The following KCNG3 variants were observed in gnomAD, a reference collection of about 807,000 sequenced individuals.
KCNG3 encodes voltage-gated potassium channel regulatory subunit KCNG3.
In KCNG3, 15 loss-of-function variants were observed where a neutral mutation model predicts 29.0. That is an observed-to-expected ratio of 0.52 (90% CI 0.35 to 0.80). KCNG3 has a LOEUF of 0.80. Among genes scored for constraint, KCNG3 ranks in the 30% least tolerant of loss-of-function variants. The pLI is 0.01. For missense variants in KCNG3, 512 were observed against 605.7 expected (o/e 0.85, Z 1.62); for synonymous variants, 322 against 248.9 (o/e 1.29, Z -2.76).
intron 1 of KCNG3, among the ~76,000 whole-genome samples, chr2:42,465,528 T>G (rs1193820773): frequency 6.6e-6 from 1 of 152,154 alleles, no homozygotes; most frequent in Admixed American, 6.5e-5. Flanking sequence ...ATAAAGATTT[T>G]AGAAGAAAAC....
chr2:42,476,034 C>G (rs1478926030), intron 1 of KCNG3, among the ~76,000 whole-genome samples: 2 of 151,916 alleles, frequency 1.3e-5, no homozygotes, highest in Non-Finnish European at 2.9e-5. Flanking sequence ...CCATTGCACC[C>G]CAGCCTGGGC....
chr2:42,462,015 T>C (rs1011300097), intron 1 of KCNG3, among the ~76,000 whole-genome samples: 13 of 152,352 alleles, frequency 8.5e-5, no homozygotes, highest in African/African-American at 2.6e-4. Flanking sequence ...TTTTAAGTGA[T>C]GTTAATTACA....
At chr2:42,399,633 T>A in the KCNG3 span, among the ~76,000 whole-genome samples, 1 of 152,126 alleles carries the variant, frequency 6.6e-6, no homozygotes, top group African/African-American at 2.4e-5. Context: ...GACTCCTCAG[T>A]CACATCAAGA....
chr2:42,419,577 T>C, the KCNG3 span, among the ~76,000 whole-genome samples: 1 of 152,062 alleles, frequency 6.6e-6, no homozygotes, highest in Admixed American at 6.6e-5. Flanking sequence ...CTTAATATCC[T>C]TGCAAAAGGC....
chr2:42,397,350 T>C, the KCNG3 span, among the ~76,000 whole-genome samples: 1 of 152,204 alleles, frequency 6.6e-6, no homozygotes, highest in African/African-American at 2.4e-5. Context: ...TAGTATATGT[T>C]ACTTTTCATG....
In KCNG3 at chr2:42,458,129, G is replaced by C. The variant is rs571096173; in HGVS notation, c.666-13550C>G. Among the ~76,000 whole-genome samples the C allele has an allele frequency of 8.5e-4, 129 of 152,102 alleles. 2 individuals carry two copies. The highest frequency in any genetic ancestry group is 7.9e-4 in the Non-Finnish European group (54 of 67,996). On this transcript the variant is annotated intron_variant, in intron 1 of 1. Transcript: ENST00000306078. ...ATTTTGTTTCCTCATGCTCACATTTGGACGGCCATTTCATTAGGATATGTG... is the reference window on the plus strand; with the variant it reads ...ATTTTGTTTCCTCATGCTCACATTTCGACGGCCATTTCATTAGGATATGTG...
the KCNG3 span, among the ~76,000 whole-genome samples, chr2:42,434,923 T>C: frequency 6.6e-6 from 1 of 152,086 alleles, no homozygotes; most frequent in Non-Finnish European, 1.5e-5. Context: ...ACAAATAAAA[T>C]TGGACTCCTA....
At chr2:42,490,105 C>G (rs1673833329) in intron 1 of KCNG3, among the ~76,000 whole-genome samples, 1 of 152,196 alleles carries the variant, frequency 6.6e-6, no homozygotes, top group Admixed American at 6.5e-5. Context: ...AATTCAAGGC[C>G]TTCTGTCATC....
rs1158576065 is a variant in KCNG3 at position 42,473,235 on chromosome 2, A to G, written c.665+19602T>C. On this transcript the variant is annotated intron_variant, in intron 1 of 1. Transcript: ENST00000306078. Reference sequence around the variant, plus strand: ...TAATGTTTTATTTCTTTAATTGGGTAGTGGGTAAACAGGTATTAATTGTGT... The same window carrying G: ...TAATGTTTTATTTCTTTAATTGGGTGGTGGGTAAACAGGTATTAATTGTGT... Among the ~76,000 whole-genome samples the G allele has an allele frequency of 2.0e-5, 3 of 152,124 alleles. No homozygotes were observed. The East Asian group carries it at 5.8e-4, about 30-fold the overall frequency.
downstream of KCNG3, among the ~76,000 whole-genome samples, chr2:42,441,730 C>T (rs199548130): frequency 8.3e-5 from 1 of 12,070 alleles, no homozygotes; most frequent in East Asian, 3.2e-3. Context: ...ACACACATAT[C>T]CCTATATATA....
chr2:42,409,489 A>T, the KCNG3 span, among the ~76,000 whole-genome samples: 1 of 151,880 alleles, frequency 6.6e-6, no homozygotes, highest in Non-Finnish European at 1.5e-5. Context: ...GGATTGCTTG[A>T]GCTCAGGAGT....
At chr2:42,421,723 T>C in the KCNG3 span, among the ~76,000 whole-genome samples, 46,949 of 151,960 alleles carry the variant, frequency 0.31, 7,507 homozygotes, top group East Asian at 0.57. Flanking sequence ...ATCTTAGAAT[T>C]GGGGAAAAAA....
At chr2:42,459,014 T>C (rs1488315016) in intron 1 of KCNG3, among the ~76,000 whole-genome samples, 2 of 152,012 alleles carry the variant, frequency 1.3e-5, no homozygotes, top group Non-Finnish European at 2.9e-5. Flanking sequence ...CCGACCAACA[T>C]GGTGAAACCC....
At position 42,448,376 on chromosome 2, in the gene KCNG3, TTTATTTA is replaced by T. The variant is rs1558374417; in HGVS notation, c.666-3804_666-3798del. Reference sequence around the variant, plus strand: ...ATTTATTTATTTATTTATTTATTTATTTATTTATTTTTTGTATGGCATGCAACCTAAG... The same window carrying T: ...ATTTATTTATTTATTTATTTATTTATTTTTTTGTATGGCATGCAACCTAAG... On this transcript the variant is annotated intron_variant, in intron 1 of 1. Coordinates refer to ENST00000306078, the MANE Select transcript of KCNG3 (RefSeq NM_133329.6). Among the ~76,000 whole-genome samples, 938 of 151,752 alleles carry T rather than the reference TTTATTTA, an allele frequency of 6.2e-3. 9 individuals carry two copies. The highest frequency in any genetic ancestry group is 0.022 in the African/African-American group (903 of 41,406).
At chr2:42,452,243 A>ATATATATATATATATATATATATATTT in intron 1 of KCNG3, among the ~76,000 whole-genome samples, 29 of 95,024 alleles carry the variant, frequency 3.1e-4, no homozygotes, top group African/African-American at 1.1e-3. Flanking sequence ...ATATATATAT[A>ATATATATATATATATATATATATATTT]TTTTTTTTTT....
the KCNG3 span, among the ~76,000 whole-genome samples, chr2:42,423,187 GCT>G: frequency 2.0e-5 from 3 of 152,068 alleles, no homozygotes; most frequent in East Asian, 1.9e-4. Context: ...ACCAAAAGCT[GCT>G]CTCTTTCTAT....
At chr2:42,452,678 T>C (rs977119266) in intron 1 of KCNG3, among the ~76,000 whole-genome samples, 1 of 152,162 alleles carries the variant, frequency 6.6e-6, no homozygotes, top group Non-Finnish European at 1.5e-5. Context: ...TCCAGTTCCA[T>C]GTTGTTGCAA....
intron 1 of KCNG3, among the ~76,000 whole-genome samples, chr2:42,475,490 G>A (rs560513386): frequency 1.3e-5 from 2 of 151,764 alleles, no homozygotes; most frequent in African/African-American, 2.4e-5. Flanking sequence ...CATTACACCT[G>A]GCTAATTCTT....
chr2:42,409,722 AAAAAAAAT>A, the KCNG3 span, among the ~76,000 whole-genome samples: 33,530 of 130,374 alleles, frequency 0.26, 4,895 homozygotes, highest in East Asian at 0.51. Flanking sequence ...AAAAAAAAAA[AAAAAAAAT>A]TTTTTTTTAA....
Sources: allele counts gnomAD v4.1 joint callset (sites outside exome capture counted in the v4.1 genomes callset), GRCh38; gene constraint gnomAD v4.1.1; transcripts MANE v1.5; gene names NCBI Gene and HGNC (gene_info 2026-07-23, HGNC 2026-07-21).